The following MYBPC3 variants were observed in gnomAD, a reference collection of about 807,000 sequenced individuals.
The protein encoded by MYBPC3 is myosin-binding protein C, cardiac-type.
MYBPC3 carries 108 observed loss-of-function variants against 159.3 expected under a neutral mutation model. The ratio of observed to expected loss-of-function variants is 0.68; its 90% CI spans 0.58 to 0.80. The LOEUF is 0.80. Among genes scored for constraint, MYBPC3 ranks in the 30% least tolerant of loss-of-function variants. MYBPC3 has a pLI of 0.00. For missense variants in MYBPC3, 1,631 were observed against 1,762.1 expected, an observed-to-expected ratio of 0.93 and a Z score of 1.33; for synonymous variants, 730 against 702.0, an observed-to-expected ratio of 1.04 and a Z score of -0.63.
At position 47,341,243 on chromosome 11, in the gene MYBPC3, C is replaced by T. The variant is rs1213708580; in HGVS notation, c.1792G>A (p.Val598Ile). The change falls in exon 19 of 35, where the codon GTC becomes ATC. Residue 598 changes from valine to isoleucine, a missense_variant and splice_region_variant. Val to Ile is a conservative substitution (Grantham distance 29). Transcript: ENST00000545968. ...SRIKVSHIGRVHKLTIDDVTP... is the reference protein window; with the variant it reads ...SRIKVSHIGRIHKLTIDDVTP... ...ACGTCGTCAATGGTCAGTTTGTGGA[C>T]CCTGCAGGGGAGCAGTGGCTCAGGG... is the stretch of plus-strand genomic sequence containing the variant. The T allele has an allele frequency of 1.9e-6, 3 of 1,580,232 alleles. No homozygotes were observed. The East Asian group carries it at 7.0e-5, about 37-fold the overall frequency.
In MYBPC3 at chr11:47,335,107, T is replaced by C. The variant is rs754525416; in HGVS notation, c.2840A>G (p.His947Arg). 2 of 1,611,636 alleles carry C rather than the reference T, an allele frequency of 1.2e-6. No individual in the cohort carries two copies. The highest frequency in any genetic ancestry group is 3.3e-5 in the Admixed American group (2 of 59,840). Residue 947 changes from histidine to arginine, a missense_variant, in exon 27 of 35, where the codon CAC becomes CGC. Transcript: ENST00000545968. ...GARLLFRVRA[H>R]NMAGPGAPVT... ...AGGGGCTCCAGGCCCTGCCATATTG[T>C]GTGCCCGCACTCGGAAAAGCAGCCG...
At chr11:47,345,101 C>T (rs1228412905) in intron 12 of MYBPC3, among the ~76,000 whole-genome samples, 1 of 152,220 alleles carries the variant, frequency 6.6e-6, no homozygotes, top group Non-Finnish European at 1.5e-5. Flanking sequence ...GCAATTTGCT[C>T]TTTTTACTGT....
chr11:47,337,293 G>T (rs1398464695), intron 25 of MYBPC3, 98 bp downstream of exon 25: 24 of 1,283,460 alleles, frequency 1.9e-5, no homozygotes, highest in Non-Finnish European at 2.4e-5. Context: ...GACTGTGGAT[G>T]TGAGTGTCTA....
intron 12 of MYBPC3, among the ~76,000 whole-genome samples, chr11:47,345,951 C>T (rs1022193916): frequency 3.3e-5 from 5 of 152,176 alleles, no homozygotes; most frequent in African/African-American, 1.2e-4. Flanking sequence ...CTCTTCTCTT[C>T]TATCTCTGTG....
At position 47,333,584 on chromosome 11, in the gene MYBPC3, T is replaced by A. The variant is rs869025461; in HGVS notation, c.3163A>T (p.Lys1055Ter). The A allele has an allele frequency of 1.2e-6, 2 of 1,601,318 alleles. No individual in the cohort carries two copies. Among genetic ancestry groups the A allele is most frequent in the Non-Finnish European group, 1.7e-6 (2 of 1,179,804 alleles). The change falls in exon 29 of 35, where the codon AAG (lysine) becomes TAG (stop). Residue 1055 changes from lysine to a stop codon, truncating the protein, a stop_gained. Coordinates refer to ENST00000545968, the MANE Select transcript of MYBPC3 (RefSeq NM_000256.3). LOFTEE classifies it high-confidence loss of function. ...VTVRIENMED[K>*]ATLVLQVVDK... ...ACAACCTGCAGCACCAGCGTGGCCTTGTCCTCCATGTTCTCAATGCGCACC... is the reference window on the plus strand; with the variant it reads ...ACAACCTGCAGCACCAGCGTGGCCTAGTCCTCCATGTTCTCAATGCGCACC...
chr11:47,332,035 T>TC lies in MYBPC3; in HGVS notation c.3814+36dup, dbSNP rs779806369. On this transcript the variant is annotated intron_variant, in intron 33 of 34. Coordinates refer to ENST00000545968, the MANE Select transcript of MYBPC3 (RefSeq NM_000256.3). The surrounding 1 kb of genome is among the most constrained non-coding windows in gnomAD (Gnocchi z 4.2). ...CAGGGTCCCCACTGCCGCCCGCTCT[T>TC]CCCATCTCCCAGGCCCTGGCCCCGA... The TC allele has an allele frequency of 2.1e-4, 342 of 1,603,328 alleles. No individual in the cohort carries two copies. Among genetic ancestry groups the TC allele is most frequent in the Non-Finnish European group, 2.8e-4 (327 of 1,173,690 alleles).
In MYBPC3 at chr11:47,335,187, C is replaced by G; in HGVS notation, c.2760G>C (p.Leu920=). 1 of 1,605,748 alleles carries G rather than the reference C, an allele frequency of 6.2e-7. No homozygotes were observed. Among genetic ancestry groups the G allele is most frequent in the Non-Finnish European group, 8.5e-7 (1 of 1,175,638 alleles). The change falls in exon 27 of 35, where the codon CTG becomes CTC. Residue 920 remains leucine, a synonymous_variant. Transcript: ENST00000545968. ...PEGCSEWVAA[L]QGLTEHTSIL... Reference sequence around the variant, plus strand: ...TCGATGTGTGCTCTGTCAGCCCCTGCAGGGCAGCCACCCACTCTGAGCCTG... The same window carrying G: ...TCGATGTGTGCTCTGTCAGCCCCTGGAGGGCAGCCACCCACTCTGAGCCTG...
chr11:47,347,668 TC>T lies in MYBPC3; in HGVS notation c.833del (p.Gly278GlufsTer22), dbSNP rs727503212. On this transcript the variant is annotated frameshift_variant, in exon 8 of 35. Coordinates refer to ENST00000545968, the MANE Select transcript of MYBPC3 (RefSeq NM_000256.3). LOFTEE classifies it high-confidence loss of function. ...AGGGGTACCTGATCCGCCGACCACC[TC>T]CAGCCAGGCTCCTGTGGGGGTTAGA... ...LSAFRRTSLA[G>X]GGRRISDSHE... is the part of the protein sequence containing the mutation. 5.1e-6 allele frequency: 8 copies of T among 1,573,808 alleles called. 1 individual carries two copies. Among genetic ancestry groups the T allele is most frequent in the African/African-American group, 1.4e-5 (1 of 74,012 alleles).
chr11:47,336,796 C>A (rs2142854549), intron 25 of MYBPC3, among the ~76,000 whole-genome samples: 1 of 152,360 alleles, frequency 6.6e-6, no homozygotes, highest in Non-Finnish European at 1.5e-5. Context: ...GTTCTGCCCA[C>A]TCAGACCCCA....
Position 47,332,115 on chromosome 11 carries a change from G to A in MYBPC3, c.3771C>T (p.Asn1257=). 1 of 1,613,526 alleles carries A rather than the reference G, an allele frequency of 6.2e-7. No individual in the cohort carries two copies. Among genetic ancestry groups the A allele is most frequent in the Non-Finnish European group, 8.5e-7 (1 of 1,179,790 alleles). ...ACTCACACCGTGCCTCGCCCTGTAA[G>A]TTGGTGGCCCTGCAGACATAGATGC... ...DGGIYVCRAT[N]LQGEARCECR... The change falls in exon 33 of 35, where the codon AAC becomes AAT. Residue 1257 remains asparagine, a synonymous_variant. Transcript: ENST00000545968. This position sits in a 1 kb window ranked among gnomAD's most constrained non-coding sequence, Gnocchi z 4.2.
chr11:47,343,338 G>A, intron 13 of MYBPC3, 76 bp from the exon 14 acceptor site: 2 of 1,495,728 alleles, frequency 1.3e-6, no homozygotes, highest in Non-Finnish European at 1.8e-6. Flanking sequence ...AGAGAGAGAG[G>A]GACCGGCAGG....
chr11:47,346,136 T>C lies in MYBPC3; in HGVS notation c.1090+71A>G. The C allele has an allele frequency of 1.3e-6, 2 of 1,587,204 alleles. No individual in the cohort carries two copies. Among genetic ancestry groups the C allele is most frequent in the South Asian group, 1.1e-5 (1 of 87,736 alleles). Reference sequence around the variant, plus strand: ...TCCCCTGTGGGGAAGGGCTAACCTATGCCCTCTCCTCTCCTGTGTAGGGAA... The same window carrying C: ...TCCCCTGTGGGGAAGGGCTAACCTACGCCCTCTCCTCTCCTGTGTAGGGAA... On this transcript the variant is annotated intron_variant, in intron 12 of 34. Transcript: ENST00000545968. This position sits in a 1 kb window ranked among gnomAD's most constrained non-coding sequence, Gnocchi z 5.3.
chr11:47,337,800 TG>T lies in MYBPC3; in HGVS notation c.2309-7del. The T allele has an allele frequency of 6.5e-7, 1 of 1,550,126 alleles. No individual in the cohort carries two copies. The highest frequency in any genetic ancestry group is 8.7e-7 in the Non-Finnish European group (1 of 1,146,902). ...CGCAGGTGCGTCTGGCACGTCTGGATGGGGTGGGATGGACCCACATCAGCCC... is the reference window on the plus strand; with the variant it reads ...CGCAGGTGCGTCTGGCACGTCTGGATGGGTGGGATGGACCCACATCAGCCC... On this transcript the variant is annotated splice_region_variant and splice_polypyrimidine_tract_variant and intron_variant, in intron 23 of 34. Transcript: ENST00000545968.
intron 25 of MYBPC3, among the ~76,000 whole-genome samples, chr11:47,336,864 G>A (rs1044314563): frequency 1.3e-5 from 2 of 152,212 alleles, no homozygotes; most frequent in Non-Finnish European, 2.9e-5. Context: ...GGCCCCCCGG[G>A]GACCATGGAG....
intron 17 of MYBPC3, 95 bp from the exon 18 acceptor site, chr11:47,342,251 C>T (rs764609093): frequency 1.7e-4 from 242 of 1,457,988 alleles, no homozygotes; most frequent in Non-Finnish European, 1.9e-4. Flanking sequence ...CGCTGGTGCG[C>T]ACGTGTCTGG....
At chr11:47,341,690 G>C (rs1221668931) in intron 18 of MYBPC3, among the ~76,000 whole-genome samples, 2 of 152,198 alleles carry the variant, frequency 1.3e-5, no homozygotes, top group Non-Finnish European at 2.9e-5. Flanking sequence ...GTCTCTCCCT[G>C]CTGCCTCTTT....
Position 47,332,503 on chromosome 11 carries a change from C to G in MYBPC3, c.3627+63G>C. ...GAGACAGGCTGGGGAGAGGACTGCTCAACGTCGGGGCCTGTGAGCCCTGCC... is the reference window on the plus strand; with the variant it reads ...GAGACAGGCTGGGGAGAGGACTGCTGAACGTCGGGGCCTGTGAGCCCTGCC... On this transcript the variant is annotated intron_variant, in intron 32 of 34. Coordinates refer to ENST00000545968, the MANE Select transcript of MYBPC3 (RefSeq NM_000256.3). The surrounding 1 kb of genome is among the most constrained non-coding windows in gnomAD (Gnocchi z 4.2). The G allele has an allele frequency of 1.3e-6, 2 of 1,566,402 alleles. No individual in the cohort carries two copies. Among genetic ancestry groups the G allele is most frequent in the Non-Finnish European group, 1.7e-6 (2 of 1,154,660 alleles).
rs766721220 is a variant in MYBPC3 at position 47,342,624 on chromosome 11, T to A, written c.1578A>T (p.Ala526=). ...GCGCCTGGCCCCCGCTAGTGCACAGTGCATAGTGCCCCGCGTCCTCCAGCA... is the reference window on the plus strand; with the variant it reads ...GCGCCTGGCCCCCGCTAGTGCACAGAGCATAGTGCCCCGCGTCCTCCAGCA... ...EAMLEDAGHY[A]LCTSGGQALA... is the part of the protein sequence containing the mutation. Residue 526 remains alanine, a synonymous_variant, in exon 17 of 35, where the codon GCA becomes GCT. Coordinates refer to ENST00000545968, the MANE Select transcript of MYBPC3 (RefSeq NM_000256.3). 83 of 1,613,770 alleles carry A rather than the reference T, an allele frequency of 5.1e-5. No individual in the cohort carries two copies. The highest frequency in any genetic ancestry group is 6.9e-5 in the Non-Finnish European group (81 of 1,179,842).
chr11:47,350,705 C>A lies in MYBPC3; in HGVS notation c.293-90G>T, dbSNP rs926592389. On this transcript the variant is annotated intron_variant, in intron 2 of 34. Transcript: ENST00000545968. ...CCTGAGCATTGGACCCATGAGCCCG[C>A]TGTGGATGAGGAAAGTCTGCCATGG... 1.0e-5 allele frequency: 14 copies of A among 1,388,514 alleles called. No individual in the cohort carries two copies. The African/African-American group carries it at 2.1e-4, about 21-fold the overall frequency. The allele number at this position is 1,388,514 out of a possible 1,614,324, so 86.0% of individuals were successfully genotyped here. A position where few individuals can be genotyped will look rare whatever the true frequency, so the allele number is the denominator to read the frequency against.
Sources: allele counts gnomAD v4.1 joint callset (sites outside exome capture counted in the v4.1 genomes callset), GRCh38; gene constraint gnomAD v4.1.1; non-coding constraint Gnocchi (gnomAD v3.1); transcripts MANE v1.5; gene names NCBI Gene and HGNC (gene_info 2026-07-23, HGNC 2026-07-21).